The following TRAM2 variants were observed in gnomAD, a reference collection of about 807,000 sequenced individuals.
TRAM2 encodes the protein translocation associated membrane protein 2.
TRAM2 carries 12 observed loss-of-function variants against 51.0 expected under a neutral mutation model. The observed-to-expected ratio is 0.24, with a 90% CI of 0.15 to 0.38. TRAM2 has a LOEUF of 0.38. Among genes scored for constraint, TRAM2 ranks in the 10% least tolerant of loss-of-function variants. The probability of loss-of-function intolerance (pLI) is 1.00; values close to 1 mark genes in which losing one functional copy is unlikely to be tolerated. For missense variants in TRAM2, 361 were observed against 462.0 expected, an observed-to-expected ratio of 0.78 and a Z score of 2.00; for synonymous variants, 175 against 179.4, an observed-to-expected ratio of 0.98 and a Z score of 0.20.
chr6:52,550,479 G>T (rs781164467), intron 1 of TRAM2, among the ~76,000 whole-genome samples: 18 of 152,144 alleles, frequency 1.2e-4, no homozygotes, highest in Non-Finnish European at 2.1e-4. Flanking sequence ...TCAAATAAAA[G>T]AATACTAACA....
chr6:52,522,563 A>G (rs1766697507), intron 2 of TRAM2, among the ~76,000 whole-genome samples: 1 of 152,208 alleles, frequency 6.6e-6, no homozygotes, highest in Non-Finnish European at 1.5e-5. Context: ...TACCTTTCCA[A>G]CACCAATACT....
rs1186803496 is a variant in TRAM2 at position 52,501,280 on chromosome 6, G to C, written c.*1917C>G. 6.6e-6 allele frequency: 1 copy of C among 152,200 alleles called. No individual in the cohort carries two copies. Among genetic ancestry groups the C allele is most frequent in the African/African-American group, 2.4e-5 (1 of 41,444 alleles). The allele number at this position is 152,200 out of a possible 1,614,324, so 9.4% of individuals were successfully genotyped here. A position where few individuals can be genotyped will look rare whatever the true frequency, so the allele number is the denominator to read the frequency against. ...CTCTTCCCATTTCTGCAACCTTATCGTAGAGAGGGATGAAGGCCTCCAATG... is the reference window on the plus strand; with the variant it reads ...CTCTTCCCATTTCTGCAACCTTATCCTAGAGAGGGATGAAGGCCTCCAATG... On this transcript the variant is annotated 3_prime_UTR_variant, in exon 11 of 11. Coordinates refer to ENST00000182527, the MANE Select transcript of TRAM2 (RefSeq NM_012288.4).
chr6:52,516,817 G>A (rs766169522), intron 2 of TRAM2, 80 bp from the exon 3 acceptor site: 28 of 1,074,726 alleles, frequency 2.6e-5, no homozygotes, highest in Non-Finnish European at 3.6e-5. Flanking sequence ...TGAGATGGGA[G>A]GCGAAATGCG....
chr6:52,518,251 G>A (rs757794136), intron 2 of TRAM2, among the ~76,000 whole-genome samples: 13 of 152,128 alleles, frequency 8.5e-5, no homozygotes, highest in Middle Eastern at 3.2e-3. Context: ...GGACCAGCAG[G>A]AGAGGCCGGT....
At position 52,503,283 on chromosome 6, in the gene TRAM2, G is replaced by A. The variant is rs1239409597; in HGVS notation, c.1040-13C>T. ...TTTTCATGGTAACCTGGGAAGTGGAGAGAGACAAGCATACATGGTGTTTCT... is the reference window on the plus strand; with the variant it reads ...TTTTCATGGTAACCTGGGAAGTGGAAAGAGACAAGCATACATGGTGTTTCT... On this transcript the variant is annotated splice_polypyrimidine_tract_variant and intron_variant, in intron 10 of 10. Coordinates refer to ENST00000182527, the MANE Select transcript of TRAM2 (RefSeq NM_012288.4). 8.7e-6 allele frequency: 14 copies of A among 1,612,256 alleles called. No homozygotes were observed. The highest frequency in any genetic ancestry group is 1.1e-5 in the Non-Finnish European group (13 of 1,178,390).
intron 4 of TRAM2, among the ~76,000 whole-genome samples, chr6:52,511,857 C>G (rs1043707193): frequency 1.3e-5 from 2 of 152,180 alleles, no homozygotes; most frequent in African/African-American, 4.8e-5. Flanking sequence ...TTCGAACTTA[C>G]ATGGCCTCAT....
rs1005109696 is a variant in TRAM2, at chr6:52,503,083, G to C, written c.*114C>G. 1.0e-4 allele frequency: 91 copies of C among 876,496 alleles called. No individual in the cohort carries two copies. The Admixed American group carries it at 1.8e-3, about 17-fold the overall frequency. 54.3% of individuals were successfully genotyped at this position (876,496 alleles called of 1,614,324 possible). A position where few individuals can be genotyped will look rare whatever the true frequency, so the allele number is the denominator to read the frequency against. ...CTCCCCCCATTGCAAGACAGGTTTC[G>C]GCTGTTTGAGACGGAGCATCACAGG... is the stretch of plus-strand genomic sequence containing the variant. On this transcript the variant is annotated 3_prime_UTR_variant, in exon 11 of 11. Coordinates refer to ENST00000182527, the MANE Select transcript of TRAM2 (RefSeq NM_012288.4).
At chr6:52,541,442 G>A (rs548994015) in intron 1 of TRAM2, among the ~76,000 whole-genome samples, 5 of 152,288 alleles carry the variant, frequency 3.3e-5, no homozygotes, top group Non-Finnish European at 2.9e-5. Context: ...CCCTCAGCTC[G>A]AAAAGGTAAA....
At chr6:52,546,657 TA>T (rs143920422) in intron 1 of TRAM2, among the ~76,000 whole-genome samples, 2,649 of 152,154 alleles carry the variant, frequency 0.017, 65 homozygotes, top group African/African-American at 0.061. Flanking sequence ...TAAAATGTGC[TA>T]GGGGTGATGA....
chr6:52,544,291 GA>G (rs1481903239), intron 1 of TRAM2, among the ~76,000 whole-genome samples: 5 of 152,038 alleles, frequency 3.3e-5, no homozygotes, highest in African/African-American at 1.2e-4. Context: ...ACTGAGGCCG[GA>G]AAGTGAAAAT....
At chr6:52,507,746 C>T in intron 6 of TRAM2, 123 bp from the exon 7 acceptor site, 3 of 839,518 alleles carry the variant, frequency 3.6e-6, no homozygotes, top group Non-Finnish European at 1.9e-6. Flanking sequence ...ACACACAGTC[C>T]CATGTCCCAC....
chr6:52,576,648 G>T, intron 1 of TRAM2, 148 bp downstream of exon 1: 1 of 1,099,144 alleles, frequency 9.1e-7, no homozygotes, highest in Non-Finnish European at 1.3e-6. Context: ...GGCCGGAGGG[G>T]TACAGTGCAC....
intron 1 of TRAM2, among the ~76,000 whole-genome samples, chr6:52,554,875 C>T (rs1247754027): frequency 6.6e-6 from 1 of 151,318 alleles, no homozygotes; most frequent in Admixed American, 6.6e-5. Flanking sequence ...CTCAAATGAT[C>T]CTCCTACCTC....
chr6:52,549,732 T>G (rs1767275963), intron 1 of TRAM2, among the ~76,000 whole-genome samples: 1 of 152,146 alleles, frequency 6.6e-6, no homozygotes, highest in South Asian at 2.1e-4. Flanking sequence ...TGGGTTTAAG[T>G]GGTGCTTGAG....
At chr6:52,529,560 ATGGTGTTGG>A (rs1244214381) in intron 2 of TRAM2, 1 of 152,106 alleles carries the variant, frequency 6.6e-6, no homozygotes, top group Non-Finnish European at 1.5e-5. Context: ...GGTGGTGCCG[ATGGTGTTGG>A]TCTACGGAAA....
intron 2 of TRAM2, among the ~76,000 whole-genome samples, chr6:52,534,313 G>A (rs986615558): frequency 1.7e-4 from 26 of 152,122 alleles, no homozygotes; most frequent in Non-Finnish European, 8.8e-5. Context: ...CCCGGGAGGT[G>A]GAGGTTGCAG....
chr6:52,505,596 C>A lies in TRAM2; in HGVS notation c.875+3G>T. On this transcript the variant is annotated splice_donor_region_variant and intron_variant, in intron 9 of 10. Coordinates refer to ENST00000182527, the MANE Select transcript of TRAM2 (RefSeq NM_012288.4). ...TATCACCTTGGACTTCTGCTCGACT[C>A]ACCTGCAAAACAAAGTGTTGAAGTT... is the stretch of plus-strand genomic sequence containing the variant. 6.2e-7 allele frequency: 1 copy of A among 1,607,266 alleles called. No homozygotes were observed. Among genetic ancestry groups the A allele is most frequent in the South Asian group, 1.1e-5 (1 of 90,118 alleles).
intron 4 of TRAM2, among the ~76,000 whole-genome samples, chr6:52,511,581 G>T (rs374204859): frequency 6.6e-6 from 1 of 152,314 alleles, no homozygotes; most frequent in South Asian, 2.1e-4. Context: ...TGCTCAGAAT[G>T]AGGCCAACAG....
chr6:52,507,794 C>G (rs965181028), intron 6 of TRAM2, among the ~76,000 whole-genome samples, 171 bp from the exon 7 acceptor site: 2 of 152,178 alleles, frequency 1.3e-5, no homozygotes, highest in Non-Finnish European at 2.9e-5. Flanking sequence ...TGCTGAAATT[C>G]AAGGGCATTC....
Sources: allele counts gnomAD v4.1 joint callset (sites outside exome capture counted in the v4.1 genomes callset), GRCh38; gene constraint gnomAD v4.1.1; transcripts MANE v1.5; gene names NCBI Gene and HGNC (gene_info 2026-07-23, HGNC 2026-07-21).